The following MERTK variants were observed in gnomAD, a reference collection of about 807,000 sequenced individuals.
MERTK encodes the protein tyrosine-protein kinase Mer.
MERTK carries 69 observed loss-of-function variants against 99.3 expected under a neutral mutation model. The ratio of observed to expected loss-of-function variants is 0.70; its 90% CI spans 0.57 to 0.85. The LOEUF (loss-of-function observed/expected upper bound fraction) is 0.85. Among genes scored for constraint, MERTK ranks in the 40% least tolerant of loss-of-function variants. MERTK has a pLI of 0.00. For synonymous variants in MERTK, 426 were observed against 467.6 expected, an observed-to-expected ratio of 0.91 and a Z score of 1.15; for missense variants, 1,125 against 1,249.4, an observed-to-expected ratio of 0.90 and a Z score of 1.50.
At chr2:111,946,065 C>T (rs993691560) in intron 3 of MERTK, among the ~76,000 whole-genome samples, 1 of 152,082 alleles carries the variant, frequency 6.6e-6, no homozygotes, top group African/African-American at 2.4e-5. Flanking sequence ...AGGGAAGCCT[C>T]AGGGAGCACA....
At chr2:111,962,158 T>C (rs762371574) in intron 4 of MERTK, among the ~76,000 whole-genome samples, 4 of 152,204 alleles carry the variant, frequency 2.6e-5, no homozygotes, top group East Asian at 1.9e-4. Context: ...GCCACAGATA[T>C]AGAAGTTTCC....
chr2:112,026,466 CA>C (rs767891156), intron 18 of MERTK, among the ~76,000 whole-genome samples: 27 of 152,146 alleles, frequency 1.8e-4, no homozygotes, highest in Non-Finnish European at 3.7e-4. Context: ...GGCAAACAAT[CA>C]AGGCTGTTTG....
chr2:111,915,081 G>A (rs974141925), intron 1 of MERTK, among the ~76,000 whole-genome samples: 2 of 152,190 alleles, frequency 1.3e-5, no homozygotes, highest in African/African-American at 2.4e-5. Context: ...GTTATAGCCT[G>A]ATTCAAATTA....
intron 15 of MERTK, among the ~76,000 whole-genome samples, chr2:112,012,356 C>A (rs1468982683): frequency 2.2e-5 from 3 of 138,920 alleles, no homozygotes; most frequent in African/African-American, 7.9e-5. Context: ...AAGCCACATT[C>A]CTTCTAAAAG....
intron 8 of MERTK, among the ~76,000 whole-genome samples, chr2:111,988,367 T>A (rs1204256442): frequency 6.6e-6 from 1 of 152,198 alleles, no homozygotes; most frequent in Non-Finnish European, 1.5e-5. Context: ...GGGTACATTT[T>A]GCCTGGAGGA....
intron 11 of MERTK, 134 bp from the exon 12 acceptor site, chr2:112,002,958 G>A: frequency 5.3e-6 from 3 of 561,324 alleles, no homozygotes; most frequent in South Asian, 1.7e-5. Flanking sequence ...GGGCAACAGA[G>A]CTAGACTCTG....
At chr2:112,005,935 G>A (rs1461078992) in intron 13 of MERTK, among the ~76,000 whole-genome samples, 2 of 152,134 alleles carry the variant, frequency 1.3e-5, no homozygotes, top group Admixed American at 6.5e-5. Context: ...AGGCTGGAGT[G>A]CAGTGGCATG....
intron 2 of MERTK, among the ~76,000 whole-genome samples, chr2:111,937,350 G>A (rs1684782581): frequency 6.6e-6 from 1 of 152,122 alleles, no homozygotes; most frequent in Non-Finnish European, 1.5e-5. Context: ...TACTCAGGAG[G>A]CTGAGGTGGG....
Position 111,947,324 on chromosome 2 carries a change from C to G in MERTK, c.584-70C>G. 2.1e-5 allele frequency: 24 copies of G among 1,154,888 alleles called. No individual in the cohort carries two copies. The South Asian group carries it at 2.5e-4, about 12-fold the overall frequency. The allele number at this position is 1,154,888 out of a possible 1,614,324, so 71.5% of individuals were successfully genotyped here. On this transcript the variant is annotated intron_variant, in intron 3 of 18. Transcript: ENST00000295408. The stretch of plus-strand genomic sequence containing the variant: ...CTATTGCCAAGTTCTAGTCCAGTTT[C>G]CATTCCCCTTTGGGCTCTGTCTCTG...
chr2:111,909,418 T>A (rs1490366057), intron 1 of MERTK, among the ~76,000 whole-genome samples: 1 of 152,026 alleles, frequency 6.6e-6, no homozygotes, highest in Non-Finnish European at 1.5e-5. Flanking sequence ...TTAAACAAGT[T>A]TTACTGGGGA....
intron 8 of MERTK, 121 bp from the exon 9 acceptor site, chr2:111,994,130 G>A (rs970180587): frequency 1.8e-6 from 2 of 1,107,856 alleles, no homozygotes; most frequent in Non-Finnish European, 2.8e-6. Flanking sequence ...GAATGCTGTG[G>A]AAGTGTGGCT....
rs150815880 is a variant in MERTK at position 111,965,749 on chromosome 2, C to T, written c.844+472C>T. ...GTCAGCGGGGCCTGCTGACTGACTCCCTGCCACCTACTGACTCAGGGAGAC... is the reference window on the plus strand; with the variant it reads ...GTCAGCGGGGCCTGCTGACTGACTCTCTGCCACCTACTGACTCAGGGAGAC... On this transcript the variant is annotated intron_variant, in intron 5 of 18. Transcript: ENST00000295408. Among the ~76,000 whole-genome samples the T allele has an allele frequency of 6.4e-3, 980 of 152,208 alleles. 13 individuals carry two copies. The highest frequency in any genetic ancestry group is 0.023 in the African/African-American group (944 of 41,500).
intron 6 of MERTK, among the ~76,000 whole-genome samples, chr2:111,974,769 C>CA (rs35594851): frequency 0.53 from 28,258 of 53,572 alleles, 8,071 homozygotes; most frequent in Non-Finnish European, 0.59. Flanking sequence ...AGGTCCATCT[C>CA]AAAAAAAAAA....
intron 1 of MERTK, among the ~76,000 whole-genome samples, chr2:111,914,326 G>A (rs1305647378): frequency 6.6e-6 from 1 of 152,042 alleles, no homozygotes; most frequent in South Asian, 2.1e-4. Flanking sequence ...GGCCCAGGCT[G>A]GAGTGCAATG....
chr2:111,929,856 C>T (rs1684639715), intron 2 of MERTK, among the ~76,000 whole-genome samples: 1 of 152,090 alleles, frequency 6.6e-6, no homozygotes, highest in East Asian at 1.9e-4. Context: ...CCACCTAGGC[C>T]TCCCAAAGTG....
intron 2 of MERTK, among the ~76,000 whole-genome samples, chr2:111,932,490 A>G (rs919671705): frequency 8.5e-5 from 13 of 152,218 alleles, no homozygotes; most frequent in Non-Finnish European, 1.6e-4. Flanking sequence ...CATGATGAGC[A>G]TTTAGTTGAA....
chr2:111,950,471 A>G (rs766889536), intron 4 of MERTK, among the ~76,000 whole-genome samples: 2 of 152,214 alleles, frequency 1.3e-5, no homozygotes, highest in Admixed American at 6.5e-5. Context: ...GAAACTACCA[A>G]ATGGTTTTCC....
At chr2:111,915,739 C>T (rs969718555) in intron 1 of MERTK, among the ~76,000 whole-genome samples, 3 of 151,980 alleles carry the variant, frequency 2.0e-5, no homozygotes, top group African/African-American at 4.8e-5. Context: ...CTACTAAATA[C>T]AAAAAATTAG....
intron 18 of MERTK, among the ~76,000 whole-genome samples, chr2:112,024,124 T>G (rs1001799181): frequency 6.6e-6 from 1 of 152,192 alleles, no homozygotes; most frequent in African/African-American, 2.4e-5. Context: ...GCTAATAAAA[T>G]TAGTTCTAGG....
Sources: allele counts gnomAD v4.1 joint callset (sites outside exome capture counted in the v4.1 genomes callset), GRCh38; gene constraint gnomAD v4.1.1; transcripts MANE v1.5; gene names NCBI Gene and HGNC (gene_info 2026-07-23, HGNC 2026-07-21).